The following ENTREP2 variants were observed in gnomAD, a reference collection of about 807,000 sequenced individuals.
The protein encoded by ENTREP2 is protein ENTREP2.
At chr15:29,422,823 G>C in the ENTREP2 span, among the ~76,000 whole-genome samples, 1 of 152,196 alleles carries the variant, frequency 6.6e-6, no homozygotes, top group African/African-American at 2.4e-5. Flanking sequence ...GATGGATCCA[G>C]GGGGATGGAA....
At chr15:29,663,812 T>C in the ENTREP2 span, among the ~76,000 whole-genome samples, 1 of 152,118 alleles carries the variant, frequency 6.6e-6, no homozygotes, top group Non-Finnish European at 1.5e-5. Flanking sequence ...TGTATACATA[T>C]GTAACAAACC....
the ENTREP2 span, among the ~76,000 whole-genome samples, chr15:29,607,740 T>C: frequency 6.6e-6 from 1 of 152,092 alleles, no homozygotes; most frequent in African/African-American, 2.4e-5. Context: ...AATCAAGTTT[T>C]CCTAAACTTT....
the ENTREP2 span, among the ~76,000 whole-genome samples, chr15:29,247,693 C>A: frequency 2.0e-5 from 3 of 152,026 alleles, no homozygotes; most frequent in Non-Finnish European, 4.4e-5. Context: ...GCTTCCCTCC[C>A]CCAACCCTGC....
At chr15:29,420,650 T>C in the ENTREP2 span, among the ~76,000 whole-genome samples, 1 of 152,122 alleles carries the variant, frequency 6.6e-6, no homozygotes, top group South Asian at 2.1e-4. Flanking sequence ...TATGAAGAAA[T>C]AAACAACCTA....
the ENTREP2 span, among the ~76,000 whole-genome samples, chr15:29,650,320 C>T: frequency 3.9e-5 from 6 of 152,142 alleles, no homozygotes; most frequent in Admixed American, 1.3e-4. Context: ...AGGCCACACG[C>T]GGTGGCTCAC....
the ENTREP2 span, among the ~76,000 whole-genome samples, chr15:29,490,381 T>C: frequency 9.7e-3 from 1,471 of 151,878 alleles, 18 homozygotes; most frequent in African/African-American, 0.034. Flanking sequence ...GAACAAAACC[T>C]CCACAACATG....
At chr15:29,413,986 C>A in the ENTREP2 span, among the ~76,000 whole-genome samples, 259 of 152,234 alleles carry the variant, frequency 1.7e-3, no homozygotes, top group African/African-American at 5.8e-3. Flanking sequence ...CAGGAGCACC[C>A]AGATTCATAA....
the ENTREP2 span, among the ~76,000 whole-genome samples, chr15:29,635,215 T>C: frequency 3.3e-5 from 5 of 152,134 alleles, no homozygotes; most frequent in African/African-American, 7.2e-5. Context: ...AACCTCCACG[T>C]TGGGGGGTTG....
chr15:29,210,852 G>T, the ENTREP2 span, among the ~76,000 whole-genome samples: 1 of 152,108 alleles, frequency 6.6e-6, no homozygotes, highest in African/African-American at 2.4e-5. Flanking sequence ...CAAATCCCAG[G>T]TACCTTTTAA....
chr15:29,606,822 TTTC>T, the ENTREP2 span, among the ~76,000 whole-genome samples: 1 of 148,962 alleles, frequency 6.7e-6, no homozygotes, highest in African/African-American at 2.4e-5. Context: ...CATTGAACCT[TTTC>T]TTTCTTTCTT....
chr15:29,183,666 AT>A, the ENTREP2 span, among the ~76,000 whole-genome samples: 7 of 152,218 alleles, frequency 4.6e-5, no homozygotes, highest in Non-Finnish European at 1.0e-4. Flanking sequence ...GGGGGTGAGA[AT>A]AGAAACTGGC....
chr15:29,594,707 A>G, the ENTREP2 span, among the ~76,000 whole-genome samples: 1 of 152,110 alleles, frequency 6.6e-6, no homozygotes, highest in Non-Finnish European at 1.5e-5. Flanking sequence ...TCACGCCTGT[A>G]ATCCCAGCAC....
At chr15:29,559,160 G>A in the ENTREP2 span, among the ~76,000 whole-genome samples, 11 of 152,136 alleles carry the variant, frequency 7.2e-5, no homozygotes, top group African/African-American at 2.6e-4. Context: ...TGTTAGAATC[G>A]CGTCTGGCAA....
At chr15:29,460,245 C>CT in the ENTREP2 span, among the ~76,000 whole-genome samples, 1 of 152,148 alleles carries the variant, frequency 6.6e-6, no homozygotes, top group East Asian at 1.9e-4. Context: ...GAGCAAGACT[C>CT]TATCTCTTAA....
the ENTREP2 span, chr15:29,128,703 AGAG>A: frequency 1.0e-6 from 1 of 995,434 alleles, no homozygotes; most frequent in East Asian, 2.6e-5. Context: ...AGAGAAGAGA[AGAG>A]AAGAGAATAG....
the ENTREP2 span, among the ~76,000 whole-genome samples, chr15:29,293,016 T>G: frequency 6.6e-6 from 1 of 152,370 alleles, no homozygotes; most frequent in Admixed American, 6.5e-5. Flanking sequence ...TACAAGAATC[T>G]ATTTGAGTGG....
chr15:29,380,271 T>G, the ENTREP2 span, among the ~76,000 whole-genome samples: 1 of 152,134 alleles, frequency 6.6e-6, no homozygotes, highest in African/African-American at 2.4e-5. Flanking sequence ...CTCACCTGAC[T>G]CTAAGGCCAC....
At chr15:29,438,525 C>T in the ENTREP2 span, among the ~76,000 whole-genome samples, 5 of 151,890 alleles carry the variant, frequency 3.3e-5, no homozygotes, top group Non-Finnish European at 5.9e-5. Context: ...CTGGAAATGC[C>T]GCAGCTGACC....
chr15:29,342,311 T>C, the ENTREP2 span, among the ~76,000 whole-genome samples: 14 of 152,220 alleles, frequency 9.2e-5, no homozygotes, highest in Non-Finnish European at 1.9e-4. Flanking sequence ...CCATTATCTT[T>C]GTGGCCCTAA....
Sources: allele counts gnomAD v4.1 joint callset (sites outside exome capture counted in the v4.1 genomes callset), GRCh38; gene constraint gnomAD v4.1.1; transcripts MANE v1.5; gene names NCBI Gene and HGNC (gene_info 2026-07-23, HGNC 2026-07-21).